Variants in WWC1 observed in about 807,000 individuals in gnomAD.
WWC1 encodes WW and C2 domain containing 1, also known as protein KIBRA.
A neutral mutation model predicts 138.4 loss-of-function variants in WWC1; 55 were observed. The ratio of observed to expected loss-of-function variants is 0.40; its 90% CI spans 0.32 to 0.50. The LOEUF is 0.50. WWC1 is among the 20% of genes least tolerant of loss of function. WWC1 has a pLI of 0.72. For synonymous variants in WWC1, 524 were observed against 564.9 expected (o/e 0.93, Z 1.03); for missense variants, 1,226 against 1,420.4 (o/e 0.86, Z 2.20).
At chr5:168,316,058 C>A (rs935398113) in intron 1 of WWC1, among the ~76,000 whole-genome samples, 2 of 152,160 alleles carry the variant, frequency 1.3e-5, no homozygotes, top group Non-Finnish European at 2.9e-5. Context: ...AATGCTCAGG[C>A]CTCCCCCCTC....
In WWC1 at chr5:168,443,899, C is replaced by A. The variant is rs559875948; in HGVS notation, c.2434-595C>A. On this transcript the variant is annotated intron_variant, in intron 16 of 22. Transcript: ENST00000265293. The stretch of plus-strand genomic sequence containing the variant: ...GTGCCAGGTATTCTTCTGTGTTCCT[C>A]ATGTAGAGTCTCAATTAATCTTCAT... 8.5e-5 allele frequency among the ~76,000 whole-genome samples: 13 copies of A among 152,354 alleles called. No homozygotes were observed. The East Asian group carries it at 2.5e-3, about 29-fold the overall frequency.
intron 17 of WWC1, among the ~76,000 whole-genome samples, chr5:168,450,634 C>A (rs936348269): frequency 2.0e-5 from 3 of 152,040 alleles, no homozygotes; most frequent in African/African-American, 7.2e-5. Flanking sequence ...CCACTGCACT[C>A]CAGCCTGGGC....
chr5:168,464,559 A>G (rs2152894880), intron 20 of WWC1, among the ~76,000 whole-genome samples, 170 bp from the exon 21 acceptor site: 1 of 152,328 alleles, frequency 6.6e-6, no homozygotes, highest in South Asian at 2.1e-4. Context: ...AATGCCCAAT[A>G]AACATGAGCT....
intron 8 of WWC1, chr5:168,411,930 A>G: frequency 2.1e-6 from 2 of 966,956 alleles, no homozygotes; most frequent in Non-Finnish European, 2.5e-6. Flanking sequence ...ACAAATTGGA[A>G]TATTATTAAC....
chr5:168,420,911 CT>C (rs1416843012), intron 9 of WWC1, among the ~76,000 whole-genome samples: 5 of 152,140 alleles, frequency 3.3e-5, no homozygotes, highest in African/African-American at 4.8e-5. Flanking sequence ...ATGATAAGGT[CT>C]TTGCTAAAGC....
In WWC1 at chr5:168,455,539, C is replaced by T. The variant is rs752556463; in HGVS notation, c.2823+19C>T. 6.2e-7 allele frequency: 1 copy of T among 1,609,054 alleles called. No individual in the cohort carries two copies. Among genetic ancestry groups the T allele is most frequent in the Non-Finnish European group, 8.5e-7 (1 of 1,177,866 alleles). The stretch of plus-strand genomic sequence containing the variant: ...GTGCCGGGTAAGTGAGCGTGCGGCC[C>T]TCTTCTGCTCCCCTCAGGGTAGCCG... On this transcript the variant is annotated intron_variant, in intron 19 of 22. Transcript: ENST00000265293.
At chr5:168,372,763 C>T (rs758448131) in intron 2 of WWC1, among the ~76,000 whole-genome samples, 6 of 152,230 alleles carry the variant, frequency 3.9e-5, no homozygotes, top group Non-Finnish European at 8.8e-5. Context: ...ACCCTGGCCA[C>T]ACCTGTCTTG....
intron 3 of WWC1, among the ~76,000 whole-genome samples, chr5:168,397,376 C>T (rs1778980587): frequency 6.6e-6 from 1 of 152,138 alleles, no homozygotes; most frequent in Admixed American, 6.5e-5. Context: ...CTCCTGATTT[C>T]AGGTGATCCC....
At chr5:168,313,423 T>G (rs1771292308) in intron 1 of WWC1, among the ~76,000 whole-genome samples, 2 of 152,030 alleles carry the variant, frequency 1.3e-5, no homozygotes, top group South Asian at 4.1e-4. Flanking sequence ...AAACCCCGTC[T>G]CTACTAAAAA....
intron 1 of WWC1, among the ~76,000 whole-genome samples, chr5:168,318,560 ATTT>A (rs34149697): frequency 3.7e-5 from 5 of 134,478 alleles, no homozygotes; most frequent in Non-Finnish European, 3.2e-5. Context: ...GTGACTGGCT[ATTT>A]TTTTTTTTTT....
At position 168,292,355 on chromosome 5, in the gene WWC1, A is replaced by T. The variant is rs1005334261; in HGVS notation, c.119+84A>T. 3 of 1,470,936 alleles carry T rather than the reference A, an allele frequency of 2.0e-6. No homozygotes were observed. The highest frequency in any genetic ancestry group is 4.4e-5 in the Admixed American group (2 of 45,198). 91.1% of individuals were successfully genotyped at this position (1,470,936 alleles called of 1,614,324 possible). A position where few individuals can be genotyped will look rare whatever the true frequency, so the allele number is the denominator to read the frequency against. On this transcript the variant is annotated intron_variant, in intron 1 of 22. Transcript: ENST00000265293. This position sits in a 1 kb window ranked among gnomAD's most constrained non-coding sequence, Gnocchi z 4.4. The stretch of plus-strand genomic sequence containing the variant: ...CCTGGAGCCGCCGGCCGGGACTGGG[A>T]GGGGGCAGGGGAGCTCTGCGTGCCT...
intron 3 of WWC1, among the ~76,000 whole-genome samples, chr5:168,389,801 T>C (rs1452227184): frequency 2.6e-5 from 4 of 152,080 alleles, no homozygotes; most frequent in African/African-American, 9.7e-5. Flanking sequence ...TAACTCTTCT[T>C]TGTGAGAGCT....
chr5:168,386,170 C>T (rs940285668), intron 3 of WWC1, among the ~76,000 whole-genome samples: 16 of 152,086 alleles, frequency 1.1e-4, no homozygotes, highest in Non-Finnish European at 1.3e-4. Context: ...GAGGCCTGCT[C>T]GGACAACTCT....
intron 2 of WWC1, among the ~76,000 whole-genome samples, chr5:168,383,981 G>A (rs1001516881): frequency 6.6e-6 from 1 of 152,036 alleles, no homozygotes; most frequent in Admixed American, 6.5e-5. Flanking sequence ...CCACCTAGTT[G>A]GTTGTTGATA....
chr5:168,451,690 G>A (rs894076263), intron 17 of WWC1, among the ~76,000 whole-genome samples: 7 of 152,110 alleles, frequency 4.6e-5, no homozygotes, highest in Admixed American at 6.6e-5. Context: ...TAGCCTTGGC[G>A]ACAGAGCAAG....
At chr5:168,414,653 C>G (rs545935950) in intron 9 of WWC1, 63 bp downstream of exon 9, 96 of 1,481,772 alleles carry the variant, frequency 6.5e-5, no homozygotes, top group South Asian at 3.2e-4. Context: ...CCTCAGCCCC[C>G]AGATGGGGGA....
intron 9 of WWC1, among the ~76,000 whole-genome samples, chr5:168,420,898 A>G (rs980813297): frequency 1.3e-5 from 2 of 152,076 alleles, no homozygotes; most frequent in African/African-American, 4.8e-5. Context: ...TGGTGACCTC[A>G]AGATGATAAG....
intron 13 of WWC1, among the ~76,000 whole-genome samples, 176 bp downstream of exon 13, chr5:168,428,963 C>T (rs1443972954): frequency 6.6e-6 from 1 of 152,162 alleles, no homozygotes; most frequent in Non-Finnish European, 1.5e-5. Flanking sequence ...TCCTCACCTC[C>T]CAGCCATCCG....
chr5:168,451,784 G>A (rs908156143), intron 17 of WWC1, among the ~76,000 whole-genome samples: 2 of 152,134 alleles, frequency 1.3e-5, no homozygotes, highest in Non-Finnish European at 2.9e-5. Context: ...CCCAGTAGTA[G>A]AGTGACTAAC....
Sources: gnomAD v4.1 joint callset for allele counts (sites outside exome capture counted in the v4.1 genomes callset) on GRCh38, gnomAD v4.1.1 for gene constraint, Gnocchi (gnomAD v3.1) non-coding constraint, MANE v1.5 for transcripts, NCBI Gene and HGNC (gene_info 2026-07-23, HGNC 2026-07-21) for gene names.